PPP2R5C: variants seen among roughly 807,000 people sequenced by gnomAD.
PPP2R5C encodes protein phosphatase 2 regulatory subunit B'gamma, also known as serine/threonine-protein phosphatase 2A 56 kDa regulatory subunit gamma isoform.
In PPP2R5C, 7 loss-of-function variants were observed where a neutral mutation model predicts 68.9. The observed-to-expected ratio is 0.10, with a 90% confidence interval of 0.06 to 0.19. The LOEUF (loss-of-function observed/expected upper bound fraction) is 0.19. PPP2R5C is among the 10% of genes least tolerant of loss of function. The pLI is 1.00. For missense variants in PPP2R5C, 348 were observed against 641.3 expected (o/e 0.54, Z 4.94); for synonymous variants, 210 against 222.2 (o/e 0.95, Z 0.49).
Position 101,899,738 on chromosome 14 carries a change from AAGTGTGGTAG to A in PPP2R5C, c.853-1980_853-1971del, listed in dbSNP as rs1467024953. 6.6e-6 allele frequency among the ~76,000 whole-genome samples: 1 copy of A among 152,246 alleles called. No individual in the cohort carries two copies. Among genetic ancestry groups the A allele is most frequent in the Admixed American group, 6.5e-5 (1 of 15,284 alleles). ...CTTAATAGTGATTCCAATACACGCA[AAGTGTGGTAG>A]GAACACAATAAATACTTATTCAATA... is the stretch of plus-strand genomic sequence containing the variant. On this transcript the variant is annotated intron_variant, in intron 8 of 13. Coordinates refer to ENST00000334743, the Ensembl canonical transcript of PPP2R5C. This position sits in a 1 kb window ranked among gnomAD's most constrained non-coding sequence, Gnocchi z 4.2.
rs2044671833 is a variant in PPP2R5C at position 101,888,650 on chromosome 14, G to A, written c.630-1587G>A. On this transcript the variant is annotated intron_variant, in intron 5 of 13. Coordinates refer to ENST00000334743, the Ensembl canonical transcript of PPP2R5C. This position sits in a 1 kb window ranked among gnomAD's most constrained non-coding sequence, Gnocchi z 5.6. The stretch of plus-strand genomic sequence containing the variant: ...TCTGTTGCCCAGGCTGGAATGCAGT[G>A]GCGCCATCTCAGCTCACTGCAACCT... Among the ~76,000 whole-genome samples the A allele has an allele frequency of 6.6e-6, 1 of 152,112 alleles. No homozygotes were observed. Among genetic ancestry groups the A allele is most frequent in the African/African-American group, 2.4e-5 (1 of 41,422 alleles).
At chr14:101,823,124 A>G (rs2040178401) in intron 1 of PPP2R5C, among the ~76,000 whole-genome samples, 1 of 152,250 alleles carries the variant, frequency 6.6e-6, no homozygotes, top group Admixed American at 6.5e-5. Context: ...TGACATTTAA[A>G]TGTTTATTAA....
intron 2 of PPP2R5C, among the ~76,000 whole-genome samples, chr14:101,769,142 C>T (rs1181380270): frequency 6.6e-6 from 1 of 152,208 alleles, no homozygotes; most frequent in African/African-American, 2.4e-5. Context: ...CTTTTTAGCT[C>T]CAACTCAAGC....
At chr14:101,837,969 T>C (rs977318492) in intron 1 of PPP2R5C, among the ~76,000 whole-genome samples, 1 of 152,184 alleles carries the variant, frequency 6.6e-6, no homozygotes, top group African/African-American at 2.4e-5. Context: ...CGTGTTCTCA[T>C]GTGCAGAACC....
chr14:101,761,560 A>G (rs1342115222), upstream of PPP2R5C, among the ~76,000 whole-genome samples: 3 of 123,426 alleles, frequency 2.4e-5, no homozygotes, highest in African/African-American at 9.2e-5. Flanking sequence ...GGCGCTGTTG[A>G]GTGCAGCGGG....
intron 1 of PPP2R5C, among the ~76,000 whole-genome samples, chr14:101,815,814 T>C (rs2039627744): frequency 6.6e-6 from 1 of 152,166 alleles, no homozygotes; most frequent in South Asian, 2.1e-4. Context: ...GGATTACAGG[T>C]GCATGCCACC....
intron 1 of PPP2R5C, among the ~76,000 whole-genome samples, chr14:101,816,940 TA>T (rs1211558653): frequency 7.0e-6 from 1 of 142,834 alleles, no homozygotes; most frequent in Non-Finnish European, 1.5e-5. Flanking sequence ...ATATATAATA[TA>T]AAAATATTAT....
chr14:101,820,676 A>G (rs906622657), intron 1 of PPP2R5C: 3 of 152,202 alleles, frequency 2.0e-5, no homozygotes, highest in African/African-American at 7.2e-5. Context: ...CTTGAACCAG[A>G]ATAGCATATC....
intron 2 of PPP2R5C, among the ~76,000 whole-genome samples, chr14:101,783,295 T>G (rs917732952): frequency 7.9e-6 from 1 of 127,174 alleles, no homozygotes; most frequent in Non-Finnish European, 1.7e-5. Context: ...TGGTGGCATC[T>G]GCTTTGGGCA....
At chr14:101,774,078 A>G (rs190392001) in intron 2 of PPP2R5C, among the ~76,000 whole-genome samples, 79 of 152,186 alleles carry the variant, frequency 5.2e-4, no homozygotes, top group Non-Finnish European at 1.0e-3. Flanking sequence ...CCTAGCTGCT[A>G]TGTGGGAACG....
intron 3 of PPP2R5C, among the ~76,000 whole-genome samples, chr14:101,786,414 A>G (rs1000069936): frequency 3.3e-5 from 5 of 152,114 alleles, no homozygotes; most frequent in African/African-American, 9.7e-5. Context: ...CAGTATAGGC[A>G]TAATACACTA....
intron 1 of PPP2R5C, among the ~76,000 whole-genome samples, chr14:101,840,209 T>G (rs1595341046): frequency 1.3e-5 from 2 of 152,238 alleles, no homozygotes; most frequent in East Asian, 1.9e-4. Context: ...CTGTTCCTGT[T>G]TAGAGACCCT....
intron 1 of PPP2R5C, chr14:101,821,087 A>C (rs995776285): frequency 1.3e-5 from 2 of 149,516 alleles, no homozygotes; most frequent in African/African-American, 5.0e-5. Flanking sequence ...TTCTCTAAAA[A>C]AAAAAATAAA....
upstream of PPP2R5C, among the ~76,000 whole-genome samples, chr14:101,805,444 C>T (rs2039036446): frequency 6.6e-6 from 1 of 152,134 alleles, no homozygotes; most frequent in East Asian, 1.9e-4. Flanking sequence ...CCAAATATTA[C>T]ACATATACCT....
intron 3 of PPP2R5C, among the ~76,000 whole-genome samples, chr14:101,787,579 T>C (rs184118606): frequency 0.034 from 4,915 of 143,672 alleles, 103 homozygotes; most frequent in African/African-American, 0.069. Flanking sequence ...CTGGCTAACA[T>C]GGTGAAACCC....
intron 1 of PPP2R5C, chr14:101,821,112 A>T (rs921777579): frequency 1.3e-5 from 2 of 151,086 alleles, no homozygotes; most frequent in South Asian, 4.2e-4. Context: ...AAATAAAAAT[A>T]AAAAAAAATT....
chr14:101,767,942 G>A (rs573498581), intron 2 of PPP2R5C, among the ~76,000 whole-genome samples: 3 of 152,264 alleles, frequency 2.0e-5, no homozygotes, highest in East Asian at 3.9e-4. Context: ...ATCACAAGCT[G>A]CAAGGTCGGT....
chr14:101,767,528 G>A (rs760623097), intron 2 of PPP2R5C, among the ~76,000 whole-genome samples: 14 of 7,634 alleles, frequency 1.8e-3, no homozygotes, highest in African/African-American at 2.9e-3. Flanking sequence ...TGGGGCTTTC[G>A]CTAGAACCTC....
chr14:101,853,105 GAA>G (rs1194033258), intron 1 of PPP2R5C, among the ~76,000 whole-genome samples: 1 of 151,982 alleles, frequency 6.6e-6, no homozygotes, highest in Non-Finnish European at 1.5e-5. Context: ...CAACGCAGCA[GAA>G]AATAAGATTT....
Sources: allele counts gnomAD v4.1 joint callset (sites outside exome capture counted in the v4.1 genomes callset), GRCh38; gene constraint gnomAD v4.1.1; non-coding constraint Gnocchi (gnomAD v3.1); transcripts MANE v1.5; gene names NCBI Gene and HGNC (gene_info 2026-07-23, HGNC 2026-07-21).